POU2F3: variants seen among roughly 807,000 people sequenced by gnomAD.
The protein encoded by POU2F3 is POU domain, class 2, transcription factor 3.
In POU2F3, 23 loss-of-function variants were observed where a neutral mutation model predicts 59.2. The ratio of observed to expected loss-of-function variants is 0.39; its 90% confidence interval spans 0.28 to 0.55. The LOEUF (loss-of-function observed/expected upper bound fraction) is 0.55, where lower values mean the gene tolerates loss of function less well. Ranked by LOEUF, POU2F3 falls within the 20% of genes least tolerant of loss-of-function variation. The probability of loss-of-function intolerance (pLI) is 0.66; values close to 1 mark genes in which losing one functional copy is unlikely to be tolerated. For synonymous variants in POU2F3, 190 were observed against 214.6 expected (o/e 0.89, Z 1.00); for missense variants, 473 against 544.5 (o/e 0.87, Z 1.31).
intron 8 of POU2F3, among the ~76,000 whole-genome samples, chr11:120,306,284 G>T (rs756310156): frequency 3.9e-5 from 6 of 152,166 alleles, no homozygotes; most frequent in Admixed American, 2.0e-4. Flanking sequence ...GGTCAGGAAA[G>T]CCTGACAGCA....
chr11:120,237,995 C>G (rs1938541944), upstream of POU2F3, among the ~76,000 whole-genome samples: 1 of 152,170 alleles, frequency 6.6e-6, no homozygotes, highest in African/African-American at 2.4e-5. Flanking sequence ...AATCCCAGCT[C>G]TTTGGGAGGC....
At chr11:120,250,012 C>T (rs1314389199) in intron 2 of POU2F3, 1 of 152,182 alleles carries the variant, frequency 6.6e-6, no homozygotes, top group Non-Finnish European at 1.5e-5. Context: ...CCCACATGGA[C>T]CTTCATTTTC....
At chr11:120,318,072 T>C (rs143740729) in intron 12 of POU2F3, among the ~76,000 whole-genome samples, 1 of 152,266 alleles carries the variant, frequency 6.6e-6, no homozygotes, top group East Asian at 1.9e-4. Flanking sequence ...CACCTACCCC[T>C]ACTGAGAGAG....
chr11:120,274,823 G>T lies in POU2F3; in HGVS notation c.132+5579G>T, dbSNP rs1940254499. Among the ~76,000 whole-genome samples, 2 of 152,326 alleles carry T rather than the reference G, an allele frequency of 1.3e-5. 1 individual carries two copies. The highest frequency in any genetic ancestry group is 4.1e-4 in the South Asian group (2 of 4,830). On this transcript the variant is annotated intron_variant, in intron 3 of 12. Coordinates refer to ENST00000543440, the MANE Select transcript of POU2F3 (RefSeq NM_014352.4). ...CTGGAGAAGGGCACTTAAGGGACAG[G>T]CTGAGGAGTGGATGTCTATAGATGA...
At chr11:120,246,413 G>T in intron 1 of POU2F3, 36 bp from the exon 2 acceptor site, 1 of 1,608,014 alleles carries the variant, frequency 6.2e-7, no homozygotes, top group Admixed American at 1.7e-5. Context: ...GAAAAATTGT[G>T]ACCTGTTATT....
chr11:120,252,214 T>C (rs576321728), intron 2 of POU2F3, among the ~76,000 whole-genome samples: 1 of 150,314 alleles, frequency 6.7e-6, no homozygotes, highest in East Asian at 1.9e-4. Flanking sequence ...TTCTTTTTTT[T>C]TTTTTTTTTT....
At chr11:120,311,762 G>T (rs1223512262) in intron 10 of POU2F3, among the ~76,000 whole-genome samples, 1 of 152,154 alleles carries the variant, frequency 6.6e-6, no homozygotes, top group South Asian at 2.1e-4. Context: ...GTGTGCAGGT[G>T]GTGGGTGAAA....
chr11:120,259,820 C>T (rs1418648495), intron 2 of POU2F3, among the ~76,000 whole-genome samples: 1 of 152,228 alleles, frequency 6.6e-6, no homozygotes, highest in Non-Finnish European at 1.5e-5. Flanking sequence ...GGACAGAACT[C>T]TGACCATTAG....
intron 11 of POU2F3, 52 bp downstream of exon 11, chr11:120,315,479 G>T (rs773679533): frequency 2.0e-6 from 3 of 1,537,566 alleles, no homozygotes; most frequent in Non-Finnish European, 2.7e-6. Flanking sequence ...TTTAAAAAAT[G>T]GGATATTAGA....
intron 6 of POU2F3, chr11:120,303,082 T>C (rs1941393059): frequency 6.6e-6 from 1 of 152,142 alleles, no homozygotes; most frequent in Non-Finnish European, 1.5e-5. Context: ...TCTGCACAGA[T>C]GGTTGGGCAG....
At chr11:120,253,259 T>G (rs1939191952) in intron 2 of POU2F3, among the ~76,000 whole-genome samples, 1 of 140,086 alleles carries the variant, frequency 7.1e-6, no homozygotes, top group African/African-American at 2.9e-5. Context: ...ATTAACATTT[T>G]TAATTTTTTT....
intron 3 of POU2F3, among the ~76,000 whole-genome samples, chr11:120,277,619 T>G (rs1339228599): frequency 6.7e-6 from 1 of 150,342 alleles, no homozygotes; most frequent in Admixed American, 6.6e-5. Flanking sequence ...CTACTAAAAT[T>G]GCAAAAAAAA....
chr11:120,241,422 G>A (rs931926761), intron 1 of POU2F3, among the ~76,000 whole-genome samples: 1 of 152,202 alleles, frequency 6.6e-6, no homozygotes, highest in African/African-American at 2.4e-5. Flanking sequence ...GTGCCCGGAG[G>A]GAGGGGACCT....
chr11:120,256,855 T>A (rs1939363289), intron 2 of POU2F3: 1 of 152,178 alleles, frequency 6.6e-6, no homozygotes, highest in South Asian at 2.1e-4. Context: ...TCATATGAGG[T>A]TTCATTTGGA....
In POU2F3 at chr11:120,285,524, C is replaced by T. The variant is rs1460846140; in HGVS notation, c.133-12741C>T. 6.6e-6 allele frequency among the ~76,000 whole-genome samples: 1 copy of T among 152,156 alleles called. No individual in the cohort carries two copies. Among genetic ancestry groups the T allele is most frequent in the Non-Finnish European group, 1.5e-5 (1 of 68,036 alleles). Reference sequence around the variant, plus strand: ...ATTCCATATGTTATGCTGCTGAATGCCTTCCTTAAACCAGTTATATACTTA... The same window carrying T: ...ATTCCATATGTTATGCTGCTGAATGTCTTCCTTAAACCAGTTATATACTTA... On this transcript the variant is annotated intron_variant, in intron 3 of 12. Transcript: ENST00000543440. This position sits in a 1 kb window ranked among gnomAD's most constrained non-coding sequence, Gnocchi z 4.3.
At chr11:120,298,169 G>T in intron 3 of POU2F3, 96 bp from the exon 4 acceptor site, 3 of 1,432,200 alleles carry the variant, frequency 2.1e-6, no homozygotes, top group Non-Finnish European at 2.8e-6. Flanking sequence ...TCTCTAGGCT[G>T]GTCACTCCTT....
intron 3 of POU2F3, among the ~76,000 whole-genome samples, chr11:120,291,663 A>G (rs1941024290): frequency 6.6e-6 from 1 of 152,212 alleles, no homozygotes; most frequent in South Asian, 2.1e-4. Context: ...ATTATTTACC[A>G]GCAGTGTGGC....
Position 120,315,408 on chromosome 11 carries a change from C to G in POU2F3, c.1116C>G (p.His372Gln). The change falls in exon 11 of 13, where the codon CAC (histidine) becomes CAG (glutamine). Residue 372 changes from histidine to glutamine, a missense_variant. Coordinates refer to ENST00000543440, the MANE Select transcript of POU2F3 (RefSeq NM_014352.4). ...SLGPLSVPPV[H>Q]STMPGTVTSS... ...GCCCCCTCTCTGTCCCTCCTGTCCA[C>G]AGTACCATGCCTGGAACAGGTGAGC... The G allele has an allele frequency of 6.2e-7, 1 of 1,613,480 alleles. No homozygotes were observed. The highest frequency in any genetic ancestry group is 8.5e-7 in the Non-Finnish European group (1 of 1,179,416).
chr11:120,300,337 T>G (rs1941312034), intron 5 of POU2F3, among the ~76,000 whole-genome samples: 1 of 152,190 alleles, frequency 6.6e-6, no homozygotes, highest in Non-Finnish European at 1.5e-5. Flanking sequence ...AATAACCTTG[T>G]AAAGTAGGTA....
Sources: allele counts gnomAD v4.1 joint callset (sites outside exome capture counted in the v4.1 genomes callset), GRCh38; gene constraint gnomAD v4.1.1; non-coding constraint Gnocchi (gnomAD v3.1); transcripts MANE v1.5; gene names NCBI Gene and HGNC (gene_info 2026-07-23, HGNC 2026-07-21).